Variants in ROCK1 observed in about 807,000 individuals in gnomAD.
ROCK1 encodes Rho associated coiled-coil containing protein kinase 1, also known as rho-associated protein kinase 1.
In ROCK1, 36 loss-of-function variants were observed where a neutral mutation model predicts 196.8. The ratio of observed to expected loss-of-function variants is 0.18; its 90% CI spans 0.14 to 0.24. The LOEUF (loss-of-function observed/expected upper bound fraction) is 0.24, where lower values mean the gene tolerates loss of function less well. Among genes scored for constraint, ROCK1 ranks in the 10% least tolerant of loss-of-function variants. ROCK1 has a pLI of 1.00. For synonymous variants in ROCK1, 443 were observed against 515.9 expected, an observed-to-expected ratio of 0.86 and a Z score of 1.91; for missense variants, 920 against 1,562.0, an observed-to-expected ratio of 0.59 and a Z score of 6.93.
Position 20,959,944 on chromosome 18 carries a change from G to C in ROCK1, c.3424-16C>G. 1 of 1,495,678 alleles carries C rather than the reference G, an allele frequency of 6.7e-7. No individual in the cohort carries two copies. Among genetic ancestry groups the C allele is most frequent in the African/African-American group, 1.4e-5 (1 of 72,240 alleles). 92.7% of individuals were successfully genotyped at this position (1,495,678 alleles called of 1,614,324 possible). ...CCACAACATACTGAAATAAGAAAAA[G>C]GGGGGAAGAGTTACAAGAGCAACAT... On this transcript the variant is annotated splice_polypyrimidine_tract_variant and intron_variant, in intron 28 of 32. Transcript: ENST00000399799.
Position 20,951,265 on chromosome 18 carries a change from T to A in ROCK1, c.*119A>T. 9.9e-6 allele frequency: 9 copies of A among 907,544 alleles called. No individual in the cohort carries two copies. The highest frequency in any genetic ancestry group is 1.3e-5 in the Non-Finnish European group (8 of 602,900). 56.2% of individuals were successfully genotyped at this position (907,544 alleles called of 1,614,324 possible). ...AGCAAGGACAGAAAAACAGCAATCT[T>A]AACCCTGAAGCCTGTGATATTTGTG... On this transcript the variant is annotated 3_prime_UTR_variant, in exon 33 of 33. Coordinates refer to ENST00000399799, the MANE Select transcript of ROCK1 (RefSeq NM_005406.3).
intron 16 of ROCK1, among the ~76,000 whole-genome samples, chr18:21,001,764 CAA>C (rs768401552): frequency 2.9e-5 from 3 of 102,158 alleles, no homozygotes; most frequent in Middle Eastern, 5.6e-3. Context: ...GGCTCCGTCT[CAA>C]AAAAAAAAAA....
At chr18:21,006,815 A>C (rs1368740301) in intron 14 of ROCK1, 25 bp from the exon 15 acceptor site, 6 of 1,389,338 alleles carry the variant, frequency 4.3e-6, no homozygotes, top group Non-Finnish European at 6.0e-6. Context: ...AATAATATAT[A>C]GAAATTACAA....
intron 22 of ROCK1, among the ~76,000 whole-genome samples, chr18:20,976,836 C>A (rs1233097789): frequency 6.6e-6 from 1 of 151,836 alleles, no homozygotes; most frequent in East Asian, 1.9e-4. Flanking sequence ...AAATAATCTT[C>A]TCTCCTCTCA....
intron 1 of ROCK1, among the ~76,000 whole-genome samples, chr18:21,083,651 T>G (rs1407531364): frequency 6.6e-6 from 1 of 152,224 alleles, no homozygotes; most frequent in East Asian, 1.9e-4. Flanking sequence ...TTCCATTTAA[T>G]GAACAGTAAA....
At chr18:21,093,575 G>T (rs1440541753) in intron 1 of ROCK1, among the ~76,000 whole-genome samples, 1 of 152,132 alleles carries the variant, frequency 6.6e-6, no homozygotes, top group Non-Finnish European at 1.5e-5. Flanking sequence ...GGCACTGTCT[G>T]CCCTGCCCTA....
intron 1 of ROCK1, among the ~76,000 whole-genome samples, chr18:21,093,695 T>G (rs1486279126): frequency 6.6e-6 from 1 of 152,126 alleles, no homozygotes; most frequent in Admixed American, 6.6e-5. Context: ...GGCTTACATC[T>G]GTAATCCCAG....
intron 22 of ROCK1, among the ~76,000 whole-genome samples, chr18:20,971,497 G>A (rs2035427890): frequency 1.3e-5 from 2 of 151,784 alleles, no homozygotes; most frequent in African/African-American, 2.4e-5. Context: ...CCAGCCCTTT[G>A]GGAGGCTGAG....
intron 1 of ROCK1, among the ~76,000 whole-genome samples, chr18:21,085,400 G>A (rs2036518678): frequency 6.7e-6 from 1 of 149,436 alleles, no homozygotes; most frequent in Non-Finnish European, 1.5e-5. Context: ...AATTTTTAAG[G>A]GCATTATTAA....
In ROCK1 at chr18:20,968,002, T is replaced by A. The variant is rs73959758; in HGVS notation, c.3004-62A>T. Reference sequence around the variant, plus strand: ...TCATCCAATTTAATACTAAAATGTATTTTTTTCTTCAAAATCAGGAAGCAG... The same window carrying A: ...TCATCCAATTTAATACTAAAATGTAATTTTTTCTTCAAAATCAGGAAGCAG... On this transcript the variant is annotated intron_variant, in intron 25 of 32. Transcript: ENST00000399799. The A allele has an allele frequency of 2.2e-3, 2,826 of 1,272,370 alleles. 54 individuals are homozygous for A. The African/African-American group carries it at 0.038, about 17-fold the overall frequency. 78.8% of individuals were successfully genotyped at this position (1,272,370 alleles called of 1,614,324 possible).
intron 1 of ROCK1, among the ~76,000 whole-genome samples, chr18:21,076,479 A>C (rs1326047420): frequency 6.6e-6 from 1 of 152,158 alleles, no homozygotes; most frequent in East Asian, 1.9e-4. Flanking sequence ...ACTCCAGCCT[A>C]GGTGACAGAG....
intron 27 of ROCK1, among the ~76,000 whole-genome samples, chr18:20,962,284 A>C (rs766789780): frequency 1.3e-5 from 2 of 152,214 alleles, no homozygotes; most frequent in Non-Finnish European, 2.9e-5. Context: ...TTAGTGTGGT[A>C]GAAATTGCAG....
At chr18:21,072,985 A>T (rs1456930901) in intron 1 of ROCK1, among the ~76,000 whole-genome samples, 1 of 145,720 alleles carries the variant, frequency 6.9e-6, no homozygotes, top group Non-Finnish European at 1.5e-5. Flanking sequence ...GAGACAGGAC[A>T]ATCGCTTGAA....
chr18:21,074,913 A>G lies in ROCK1; in HGVS notation c.94-4300T>C, dbSNP rs187153517. 5.3e-5 allele frequency among the ~76,000 whole-genome samples: 8 copies of G among 152,304 alleles called. No individual in the cohort carries two copies. In the East Asian group the frequency reaches 1.5e-3, roughly 29 times the overall value. On this transcript the variant is annotated intron_variant, in intron 1 of 32. Transcript: ENST00000399799. ...TTGAAGAATAGAATTATGAAGGAAT[A>G]AGACAGAAGTGGGGCAAGGCAATCT...
At chr18:21,032,306 A>T (rs754497753) in intron 9 of ROCK1, among the ~76,000 whole-genome samples, 35 of 152,174 alleles carry the variant, frequency 2.3e-4, no homozygotes, top group Middle Eastern at 3.2e-3. Flanking sequence ...TATCAATTCA[A>T]CCTAGATTGT....
Position 21,111,089 on chromosome 18 carries a change from C to T in ROCK1, c.-179G>A. 1 of 600,490 alleles carries T rather than the reference C, an allele frequency of 1.7e-6. No individual in the cohort carries two copies. Among genetic ancestry groups the T allele is most frequent in the South Asian group, 2.0e-5 (1 of 51,186 alleles). 37.2% of individuals were successfully genotyped at this position (600,490 alleles called of 1,614,324 possible). ...GAGGGGACCTCCGCTCTCCAGACCCCGGGCCGGGGGCAACAGCGACCCACA... is the reference window on the plus strand; with the variant it reads ...GAGGGGACCTCCGCTCTCCAGACCCTGGGCCGGGGGCAACAGCGACCCACA... On this transcript the variant is annotated 5_prime_UTR_variant, in exon 1 of 33. Transcript: ENST00000399799. The surrounding 1 kb of genome is among the most constrained non-coding windows in gnomAD (Gnocchi z 4.2).
intron 12 of ROCK1, among the ~76,000 whole-genome samples, chr18:21,016,068 T>C (rs1347929374): frequency 6.6e-6 from 1 of 152,186 alleles, no homozygotes; most frequent in Non-Finnish European, 1.5e-5. Context: ...GCTTCCTTAT[T>C]AATATATTAA....
intron 1 of ROCK1, among the ~76,000 whole-genome samples, chr18:21,097,131 T>C (rs527380425): frequency 6.6e-6 from 1 of 152,082 alleles, no homozygotes; most frequent in Non-Finnish European, 1.5e-5. Flanking sequence ...CGCAGTCTAT[T>C]TTGGGAAATG....
Position 21,077,331 on chromosome 18 carries a change from C to G in ROCK1, c.94-6718G>C, listed in dbSNP as rs544979166. 1.8e-3 allele frequency among the ~76,000 whole-genome samples: 277 copies of G among 152,254 alleles called. 2 individuals carry two copies. Among genetic ancestry groups the G allele is most frequent in the Non-Finnish European group, 1.7e-3 (115 of 68,018 alleles). Reference sequence around the variant, plus strand: ...CTGGTTCCTCCTCTTCCTACTCCCCCACACCTTGAACCCAAGAGGGTAGAA... The same window carrying G: ...CTGGTTCCTCCTCTTCCTACTCCCCGACACCTTGAACCCAAGAGGGTAGAA... On this transcript the variant is annotated intron_variant, in intron 1 of 32. Coordinates refer to ENST00000399799, the MANE Select transcript of ROCK1 (RefSeq NM_005406.3).
Sources: allele counts gnomAD v4.1 joint callset (sites outside exome capture counted in the v4.1 genomes callset), GRCh38; gene constraint gnomAD v4.1.1; non-coding constraint Gnocchi (gnomAD v3.1); transcripts MANE v1.5; gene names NCBI Gene and HGNC (gene_info 2026-07-23, HGNC 2026-07-21).